Variants in BMP2K observed in about 807,000 individuals in gnomAD.
BMP2K encodes BMP-2-inducible protein kinase.
A neutral mutation model predicts 116.0 loss-of-function variants in BMP2K; 74 were observed. That is an observed-to-expected ratio of 0.64 (90% CI 0.53 to 0.77). The LOEUF (loss-of-function observed/expected upper bound fraction) is 0.77, where lower values mean the gene tolerates loss of function less well. Among genes scored for constraint, BMP2K ranks in the 30% least tolerant of loss-of-function variants. The pLI is 0.00. For missense variants in BMP2K, 1,365 were observed against 1,403.6 expected (o/e 0.97, Z 0.44); for synonymous variants, 486 against 502.5 (o/e 0.97, Z 0.44).
chr4:78,887,504 A>G (rs1214250428), intron 15 of BMP2K, among the ~76,000 whole-genome samples: 1 of 152,206 alleles, frequency 6.6e-6, no homozygotes, highest in Non-Finnish European at 1.5e-5. Flanking sequence ...TTTACACAAT[A>G]GAAACATAAC....
At chr4:78,839,279 C>G (rs1002666161) in intron 3 of BMP2K, among the ~76,000 whole-genome samples, 1 of 152,154 alleles carries the variant, frequency 6.6e-6, no homozygotes, top group Non-Finnish European at 1.5e-5. Context: ...CACTAGCAAG[C>G]TGTCCTGTGG....
chr4:78,829,794 TCTCTTCTC>T (rs759997217), intron 2 of BMP2K, among the ~76,000 whole-genome samples: 47 of 89,344 alleles, frequency 5.3e-4, no homozygotes, highest in African/African-American at 1.5e-3. Context: ...TCTTTTCTCT[TCTCTTCTC>T]TTCTCTTCTC....
At chr4:78,825,960 A>G (rs1729849002) in intron 1 of BMP2K, 77 bp from the exon 2 acceptor site, 8 of 1,090,008 alleles carry the variant, frequency 7.3e-6, no homozygotes, top group South Asian at 4.0e-5. Flanking sequence ...TTCCTCCAAT[A>G]TGCTCTATGA....
Position 78,878,892 on chromosome 4 carries a change from G to A in BMP2K, c.1951+1G>A, listed in dbSNP as rs1325352636. On this transcript the variant is annotated splice_donor_variant, in intron 14 of 15. Coordinates refer to ENST00000502613, the MANE Select transcript of BMP2K (RefSeq NM_198892.2). LOFTEE classifies it high-confidence loss of function. ...AGAGAATTTGACCTTCTAAGATCAA[G>A]TAAGGGACACTTGAAGGCTTATTTT... The A allele has an allele frequency of 6.2e-7, 1 of 1,607,948 alleles. No homozygotes were observed. Among genetic ancestry groups the A allele is most frequent in the South Asian group, 1.1e-5 (1 of 89,328 alleles).
chr4:78,816,846 G>A (rs1729377466), intron 1 of BMP2K, among the ~76,000 whole-genome samples: 1 of 152,260 alleles, frequency 6.6e-6, no homozygotes, highest in Admixed American at 6.5e-5. Flanking sequence ...ATTGTATGAA[G>A]CCCTTCTCAA....
chr4:78,868,148 A>G (rs538907252), intron 10 of BMP2K, among the ~76,000 whole-genome samples: 1 of 152,340 alleles, frequency 6.6e-6, no homozygotes, highest in African/African-American at 2.4e-5. Context: ...AAGACATTCC[A>G]GAAACTGGGG....
intron 15 of BMP2K, among the ~76,000 whole-genome samples, chr4:78,904,416 GAC>G (rs1362853451): frequency 6.6e-6 from 1 of 151,796 alleles, no homozygotes; most frequent in Non-Finnish European, 1.5e-5. Context: ...GTGTCCTCTT[GAC>G]ACTTATTTCA....
chr4:78,832,458 A>T (rs555622854), intron 2 of BMP2K, among the ~76,000 whole-genome samples: 1 of 152,268 alleles, frequency 6.6e-6, no homozygotes, highest in South Asian at 2.1e-4. Context: ...CTGACTTTTT[A>T]AAATTCTGCT....
chr4:78,780,787 G>A (rs893053045), intron 1 of BMP2K, among the ~76,000 whole-genome samples: 3 of 152,180 alleles, frequency 2.0e-5, no homozygotes, highest in African/African-American at 7.2e-5. Context: ...GATTAGTGTG[G>A]AAGGTAAAAG....
intron 1 of BMP2K, among the ~76,000 whole-genome samples, chr4:78,825,704 T>A (rs192659598): frequency 1.1e-3 from 168 of 152,360 alleles, no homozygotes; most frequent in Non-Finnish European, 2.2e-3. Flanking sequence ...TTCTGATATG[T>A]AGGCAGTCAC....
At chr4:78,776,812 T>C (rs1268288124) in intron 1 of BMP2K, 91 bp downstream of exon 1, 5 of 1,109,216 alleles carry the variant, frequency 4.5e-6, no homozygotes, top group Non-Finnish European at 4.5e-6. Flanking sequence ...CCGGACTGAC[T>C]CTTATACCCC....
chr4:78,863,927 A>G (rs1281874396), intron 9 of BMP2K, among the ~76,000 whole-genome samples: 2 of 152,312 alleles, frequency 1.3e-5, no homozygotes, highest in Middle Eastern at 3.4e-3. Flanking sequence ...TGACAGCACT[A>G]GCTTGGCACT....
intron 13 of BMP2K, among the ~76,000 whole-genome samples, chr4:78,876,552 G>T (rs868263066): frequency 6.6e-6 from 1 of 152,168 alleles, no homozygotes. Flanking sequence ...GGATTAAATA[G>T]ACGACTTTTG....
At chr4:78,852,828 T>G (rs1731324156) in intron 7 of BMP2K, among the ~76,000 whole-genome samples, 1 of 152,116 alleles carries the variant, frequency 6.6e-6, no homozygotes, top group African/African-American at 2.4e-5. Flanking sequence ...GGTCTCAAAC[T>G]CCTGGCCTCG....
chr4:78,794,900 T>C (rs1728179452), intron 1 of BMP2K, among the ~76,000 whole-genome samples: 1 of 152,192 alleles, frequency 6.6e-6, no homozygotes, highest in Non-Finnish European at 1.5e-5. Flanking sequence ...TATTTATCTC[T>C]AATCATAAGA....
At position 78,911,131 on chromosome 4, in the gene BMP2K, C is replaced by G. The variant is rs199675023; in HGVS notation, c.2584C>G (p.Pro862Ala). 2 of 1,613,960 alleles carry G rather than the reference C, an allele frequency of 1.2e-6. No individual in the cohort carries two copies. The highest frequency in any genetic ancestry group is 1.7e-6 in the Non-Finnish European group (2 of 1,179,878). The change falls in exon 16 of 16, where the codon CCC (proline) becomes GCC (alanine). Residue 862 changes from proline to alanine, a missense_variant. Pro to Ala is a conservative substitution (Grantham distance 27, BLOSUM62 -1). Transcript: ENST00000502613. ...GGAGTTTGATGTATTTGGCGCTGTC[C>G]CCTTCTTTGCAGTGCGTGCTCAACA... is the stretch of plus-strand genomic sequence containing the variant. ...KQEFDVFGAV[P>A]FFAVRAQQPQ...
chr4:78,784,043 T>C (rs1392942967), intron 1 of BMP2K, among the ~76,000 whole-genome samples: 1 of 152,206 alleles, frequency 6.6e-6, no homozygotes, highest in African/African-American at 2.4e-5. Flanking sequence ...GAAAAGGTCC[T>C]TGATGTTGTC....
rs1423837165 is a variant in BMP2K at position 78,913,791 on chromosome 4, G to C, written c.*1758G>C. ...CAAATATAGATTTGTGGATAGGGAA[G>C]CAATATGTGAATCACAATGTAGCAG... On this transcript the variant is annotated 3_prime_UTR_variant, in exon 16 of 16. Transcript: ENST00000502613. The C allele has an allele frequency of 6.6e-6, 1 of 152,036 alleles. No individual in the cohort carries two copies. Among genetic ancestry groups the C allele is most frequent in the African/African-American group, 2.4e-5 (1 of 41,420 alleles). 9.4% of individuals were successfully genotyped at this position (152,036 alleles called of 1,614,324 possible). A position where few individuals can be genotyped will look rare whatever the true frequency, so the allele number is the denominator to read the frequency against.
intron 10 of BMP2K, among the ~76,000 whole-genome samples, chr4:78,866,202 G>C (rs981505300): frequency 3.9e-5 from 6 of 152,134 alleles, no homozygotes; most frequent in Non-Finnish European, 5.9e-5. Flanking sequence ...CTCATCTAAA[G>C]TATCTCCTAA....
Sources: gnomAD v4.1 joint callset for allele counts (sites outside exome capture counted in the v4.1 genomes callset) on GRCh38, gnomAD v4.1.1 for gene constraint, MANE v1.5 for transcripts, NCBI Gene and HGNC (gene_info 2026-07-23, HGNC 2026-07-21) for gene names.